RIF1: variants seen among roughly 807,000 people sequenced by gnomAD.
RIF1 encodes replication timing regulatory factor 1.
Under a neutral mutation model 247.1 loss-of-function variants are expected in RIF1, and 45 were observed. The observed-to-expected ratio is 0.18, with a 90% CI of 0.14 to 0.23. RIF1 has a LOEUF of 0.23. RIF1 is among the 10% of genes least tolerant of loss of function. RIF1 has a pLI of 1.00. For synonymous variants in RIF1, 1,087 were observed against 978.8 expected (o/e 1.11, Z -2.06); for missense variants, 2,967 against 2,862.5 (o/e 1.04, Z -0.83).
intron 6 of RIF1, among the ~76,000 whole-genome samples, chr2:151,419,247 T>C (rs984897320): frequency 9.2e-5 from 14 of 151,982 alleles, no homozygotes; most frequent in African/African-American, 2.6e-4. Context: ...AAAATTATAG[T>C]GTAGGAGTAA....
chr2:151,420,621 C>A (rs893890316), intron 7 of RIF1, among the ~76,000 whole-genome samples: 8 of 151,188 alleles, frequency 5.3e-5, no homozygotes, highest in Non-Finnish European at 8.8e-5. Context: ...CCTGTAGTCT[C>A]AGATGCTTGG....
downstream of RIF1, chr2:151,512,746 T>C: frequency 6.2e-7 from 1 of 1,613,638 alleles, no homozygotes; most frequent in Non-Finnish European, 8.5e-7. Flanking sequence ...GCTTGAAAGA[T>C]TCTTGACTTG....
intron 8 of RIF1, among the ~76,000 whole-genome samples, chr2:151,424,392 G>T (rs191304310): frequency 6.6e-6 from 1 of 152,298 alleles, no homozygotes; most frequent in Admixed American, 6.5e-5. Flanking sequence ...GTGAGCCACC[G>T]TGCCTGGAAG....
intron 11 of RIF1, among the ~76,000 whole-genome samples, chr2:151,500,464 T>G (rs1403031311): frequency 1.3e-5 from 2 of 151,918 alleles, no homozygotes; most frequent in Admixed American, 6.6e-5. Context: ...AGCAACAATA[T>G]TAATAAAAGA....
rs1393639915 is a variant in RIF1, at chr2:151,420,064, G to T, written c.504-126G>T. The T allele has an allele frequency of 5.5e-6, 4 of 722,438 alleles. No homozygotes were observed. The African/African-American group carries it at 7.2e-5, about 13-fold the overall frequency. 44.8% of individuals were successfully genotyped at this position (722,438 alleles called of 1,614,324 possible). On this transcript the variant is annotated intron_variant, in intron 6 of 35. Transcript: ENST00000444746. ...TAAGATCTATTTCTTGTGTGTATAT[G>T]CATATTTGTATATATTCTAAAACAA...
chr2:151,431,708 G>A (rs1352814791), intron 9 of RIF1, among the ~76,000 whole-genome samples: 1 of 152,162 alleles, frequency 6.6e-6, no homozygotes, highest in Non-Finnish European at 1.5e-5. Flanking sequence ...AATCCGGGAG[G>A]AGGAGGCTGC....
chr2:151,490,608 T>G, intron 9 of RIF1: 1 of 1,460,456 alleles, frequency 6.8e-7, no homozygotes, highest in South Asian at 1.2e-5. Flanking sequence ...GTTATTGTTA[T>G]CTTTGCCAAG....
chr2:151,506,815 T>C (rs1447010050), intron 13 of RIF1: 12 of 824,368 alleles, frequency 1.5e-5, no homozygotes, highest in Non-Finnish European at 2.0e-5. Context: ...GGTTAGATGT[T>C]AATTGTGTGT....
chr2:151,525,988 G>A, the RIF1 span: 13 of 1,613,958 alleles, frequency 8.1e-6, no homozygotes, highest in East Asian at 4.5e-5. Context: ...CTTCCTTGAC[G>A]TGAACAGTGT....
rs745467267 is a variant in RIF1, at chr2:151,465,539, G to A, written c.6019G>A (p.Asp2007Asn). 2 of 1,613,516 alleles carry A rather than the reference G, an allele frequency of 1.2e-6. No individual in the cohort carries two copies. Among genetic ancestry groups the A allele is most frequent in the Admixed American group, 3.3e-5 (2 of 59,956 alleles). Residue 2007 changes from aspartate to asparagine, a missense_variant, in exon 30 of 36, where the codon GAT (aspartate) becomes AAT (asparagine). By Grantham distance (23) the Asp-to-Asn change is conservative (BLOSUM62 1). This residue lies in a region of RIF1 where 2,028 missense variants were observed against 1,825.6 expected (regional missense o/e 1.11). Coordinates refer to ENST00000444746, the MANE Select transcript of RIF1 (RefSeq NM_018151.5). ...GELDGGNDVSDLHSSEETNTK... is the reference protein window; with the variant it reads ...GELDGGNDVSNLHSSEETNTK... ...ACTAGATGGAGGAAATGATGTATCT[G>A]ATCTACACTCATCTGAAGAAACGAA...
At chr2:151,454,627 A>AG (rs1322981607) in intron 21 of RIF1, among the ~76,000 whole-genome samples, 1 of 152,162 alleles carries the variant, frequency 6.6e-6, no homozygotes, top group African/African-American at 2.4e-5. Flanking sequence ...ATAATTCCTA[A>AG]GAAAAAATGA....
At chr2:151,519,140 GAGA>G in the RIF1 span, 3 of 934,326 alleles carry the variant, frequency 3.2e-6, no homozygotes, top group African/African-American at 1.8e-5. Context: ...AAATCAAAGT[GAGA>G]TAGCCCATCG....
rs1440425930 is a variant in RIF1, at chr2:151,474,005, T to G, written c.7137T>G (p.Ile2379Met). 6 of 1,598,818 alleles carry G rather than the reference T, an allele frequency of 3.8e-6. No individual in the cohort carries two copies. Among genetic ancestry groups the G allele is most frequent in the Non-Finnish European group, 5.1e-6 (6 of 1,167,606 alleles). ...RGLEEIPVFD[I>M]SEKTVNGIEN... The stretch of plus-strand genomic sequence containing the variant: ...TAGAAGAGATTCCAGTTTTTGATAT[T>G]TCTGAAAAAACAGTAAATGGAATAG... The change falls in exon 35 of 36, where the codon ATT (isoleucine) becomes ATG (methionine). Residue 2379 changes from isoleucine (I) to methionine (M), a missense_variant. Around this residue, in one of 7 missense-constraint regions of RIF1, gnomAD observed 151 missense variants for 163.4 expected, o/e 0.92. Coordinates refer to ENST00000444746, the MANE Select transcript of RIF1 (RefSeq NM_018151.5).
At position 151,465,469 on chromosome 2, in the gene RIF1, A is replaced by T; in HGVS notation, c.5949A>T (p.Lys1983Asn). Reference protein sequence around the residue: ...ISLSDNTTPVKLNAQTEISEQ... With the variant: ...ISLSDNTTPVNLNAQTEISEQ... ...TTTCTGATAATACTACACCTGTAAA[A>T]TTGAATGCTCAAACTGAGATTTCTG... Residue 1983 changes from lysine to asparagine, a missense_variant, in exon 30 of 36, where the codon AAA becomes AAT. Lys to Asn is a moderately conservative substitution (Grantham distance 94). Transcript: ENST00000444746. The T allele has an allele frequency of 6.2e-7, 1 of 1,614,154 alleles. No individual in the cohort carries two copies. Among genetic ancestry groups the T allele is most frequent in the Non-Finnish European group, 8.5e-7 (1 of 1,180,006 alleles).
chr2:151,527,707 G>GGAA, the RIF1 span: 1 of 687,868 alleles, frequency 1.5e-6, no homozygotes, highest in Non-Finnish European at 2.5e-6. Context: ...TAATGCAAGA[G>GGAA]GAAGCCCCAA....
intron 35 of RIF1, among the ~76,000 whole-genome samples, chr2:151,474,482 C>T (rs1371824076): frequency 3.3e-5 from 5 of 152,152 alleles, no homozygotes; most frequent in African/African-American, 9.7e-5. Flanking sequence ...AGTTCGAGAC[C>T]ACTCTGGGCA....
intron 10 of RIF1, chr2:151,498,062 ATGTT>A (rs1157685394): frequency 8.9e-6 from 13 of 1,455,614 alleles, no homozygotes; most frequent in South Asian, 1.5e-5. Flanking sequence ...TTTTTAAAAC[ATGTT>A]TGTTTGTAAA....
downstream of RIF1, chr2:151,485,803 C>CCAGTCCTCTGCACAGTGCATA (rs1211056097): frequency 6.2e-7 from 1 of 1,613,500 alleles, no homozygotes; most frequent in East Asian, 2.2e-5. Flanking sequence ...TCCGGTCCTG[C>CCAGTCCTCTGCACAGTGCATA]CAGTCCTCTG....
chr2:151,532,963 C>G, the RIF1 span, among the ~76,000 whole-genome samples: 1 of 152,168 alleles, frequency 6.6e-6, no homozygotes, highest in South Asian at 2.1e-4. Flanking sequence ...AATTCAGCAT[C>G]AAAGTCAAGA....
Sources: allele counts gnomAD v4.1 joint callset (sites outside exome capture counted in the v4.1 genomes callset), GRCh38; gene constraint gnomAD v4.1.1; regional missense constraint gnomAD v4.1.1; transcripts MANE v1.5; gene names NCBI Gene and HGNC (gene_info 2026-07-23, HGNC 2026-07-21).